Variants in TTC27 observed in about 807,000 individuals in gnomAD.
The protein encoded by TTC27 is tetratricopeptide repeat protein 27.
Under a neutral mutation model 115.9 loss-of-function variants are expected in TTC27, and 79 were observed. That is an observed-to-expected ratio of 0.68 (90% CI 0.57 to 0.82). TTC27 has a LOEUF of 0.82. Ranked by LOEUF, TTC27 falls within the 40% of genes least tolerant of loss-of-function variation. TTC27 has a pLI of 0.00. For missense variants in TTC27, 1,054 were observed against 993.1 expected, an observed-to-expected ratio of 1.06 and a Z score of -0.82; for synonymous variants, 401 against 356.0, an observed-to-expected ratio of 1.13 and a Z score of -1.42.
At chr2:32,760,496 C>G (rs917491386) in intron 13 of TTC27, among the ~76,000 whole-genome samples, 1 of 152,056 alleles carries the variant, frequency 6.6e-6, no homozygotes, top group East Asian at 1.9e-4. Flanking sequence ...GCACAGCCCC[C>G]ACAATAAAGA....
intron 9 of TTC27, among the ~76,000 whole-genome samples, chr2:32,685,015 C>CTTTTTTTTT (rs70938361): frequency 3.4e-5 from 4 of 116,310 alleles, no homozygotes; most frequent in Admixed American, 1.0e-4. Flanking sequence ...TTGCCTTTTC[C>CTTTTTTTTT]TTTTTTTTTT....
At chr2:32,702,209 G>A (rs570606611) in intron 9 of TTC27, among the ~76,000 whole-genome samples, 3 of 152,008 alleles carry the variant, frequency 2.0e-5, no homozygotes, top group Non-Finnish European at 4.4e-5. Flanking sequence ...ACCAAGGGTG[G>A]CATCAACTTT....
chr2:32,702,512 G>T (rs1219223276), intron 9 of TTC27, among the ~76,000 whole-genome samples: 1 of 152,050 alleles, frequency 6.6e-6, no homozygotes, highest in Non-Finnish European at 1.5e-5. Context: ...TTCAGTGTGT[G>T]CATATTCAGT....
Position 32,754,747 on chromosome 2 carries a change from G to A in TTC27, c.1453-3545G>A, listed in dbSNP as rs547149165. ...CGGGCAGAGGCGTCTCTCACCTCCC[G>A]GACGGGGTGGCTGGCCGGGCGGGGG... On this transcript the variant is annotated intron_variant, in intron 12 of 19. Coordinates refer to ENST00000317907, the MANE Select transcript of TTC27 (RefSeq NM_017735.5). 1.8e-3 allele frequency among the ~76,000 whole-genome samples: 259 copies of A among 147,186 alleles called. 1 individual carries two copies. Among genetic ancestry groups the A allele is most frequent in the Non-Finnish European group, 3.2e-3 (214 of 66,682 alleles).
At chr2:32,767,296 G>T (rs1207299637) in intron 13 of TTC27, among the ~76,000 whole-genome samples, 2 of 152,074 alleles carry the variant, frequency 1.3e-5, no homozygotes, top group African/African-American at 4.8e-5. Context: ...ATAGAGGCCT[G>T]TAATTTAGCA....
intron 12 of TTC27, among the ~76,000 whole-genome samples, chr2:32,748,735 T>C (rs541142308): frequency 1.3e-5 from 2 of 151,184 alleles, no homozygotes; most frequent in South Asian, 4.2e-4. Context: ...TTGCCCAGGC[T>C]GGAGTGCAGT....
intron 4 of TTC27, among the ~76,000 whole-genome samples, chr2:32,641,511 A>G (rs530200331): frequency 1.2e-3 from 179 of 152,354 alleles, no homozygotes; most frequent in African/African-American, 4.1e-3. Flanking sequence ...ACTATACGGA[A>G]ACCAGTAGTG....
intron 12 of TTC27, among the ~76,000 whole-genome samples, chr2:32,757,577 T>G (rs185833092): frequency 1.0e-3 from 156 of 152,356 alleles, no homozygotes; most frequent in African/African-American, 3.0e-3. Flanking sequence ...TCCAACCACA[T>G]GTGCTTACTT....
At chr2:32,655,647 T>C (rs1391345265) in intron 5 of TTC27, among the ~76,000 whole-genome samples, 1 of 152,180 alleles carries the variant, frequency 6.6e-6, no homozygotes, top group African/African-American at 2.4e-5. Flanking sequence ...TCTAAAAAAT[T>C]ATCCCCTTTT....
chr2:32,745,611 C>T (rs1668797947), intron 12 of TTC27, among the ~76,000 whole-genome samples: 1 of 151,540 alleles, frequency 6.6e-6, no homozygotes, highest in Non-Finnish European at 1.5e-5. Flanking sequence ...TGCAAACTGG[C>T]AGCTTATGGG....
At chr2:32,751,475 T>C (rs921096559) in intron 12 of TTC27, among the ~76,000 whole-genome samples, 3 of 152,064 alleles carry the variant, frequency 2.0e-5, no homozygotes, top group African/African-American at 7.2e-5. Flanking sequence ...GGTTGCTCAA[T>C]ATATCTAATT....
chr2:32,820,795 G>T, intron 19 of TTC27, 21 bp from the exon 20 acceptor site: 1 of 1,514,744 alleles, frequency 6.6e-7, no homozygotes, highest in Non-Finnish European at 8.9e-7. Flanking sequence ...TAATACTTCT[G>T]CTTTGTTTTT....
intron 4 of TTC27, among the ~76,000 whole-genome samples, chr2:32,644,609 A>T (rs779533402): frequency 6.6e-6 from 1 of 151,352 alleles, no homozygotes; most frequent in Non-Finnish European, 1.5e-5. Flanking sequence ...TTTTTTTGAG[A>T]TGGGAGACAG....
chr2:32,677,488 C>T (rs1190189230), intron 8 of TTC27, among the ~76,000 whole-genome samples: 1 of 151,934 alleles, frequency 6.6e-6, no homozygotes, highest in East Asian at 1.9e-4. Context: ...CTTGCTCTGT[C>T]ACTCAGGCTG....
At chr2:32,745,772 G>T (rs1347248192) in intron 12 of TTC27, among the ~76,000 whole-genome samples, 2 of 152,130 alleles carry the variant, frequency 1.3e-5, no homozygotes, top group Admixed American at 6.5e-5. Flanking sequence ...GAAACACTGA[G>T]CAGCCAGAGT....
At chr2:32,653,574 A>T (rs1356732541) in intron 5 of TTC27, among the ~76,000 whole-genome samples, 1 of 150,494 alleles carries the variant, frequency 6.6e-6, no homozygotes, top group Non-Finnish European at 1.5e-5. Context: ...AGCCTGGATG[A>T]CAGAGTGAGA....
intron 16 of TTC27, among the ~76,000 whole-genome samples, chr2:32,789,393 C>A (rs531205759): frequency 2.0e-5 from 3 of 152,176 alleles, no homozygotes; most frequent in African/African-American, 7.2e-5. Context: ...AACATTCTTG[C>A]TAATGTTTAG....
chr2:32,672,289 T>A lies in TTC27; in HGVS notation c.957T>A (p.Asp319Glu), dbSNP rs1329576866. 1 of 1,613,492 alleles carries A rather than the reference T, an allele frequency of 6.2e-7. No individual in the cohort carries two copies. ...EHLTKNLELN[D>E]DTILNDIKLA... is the part of the protein sequence containing the mutation. ...TCTACTAGAATCTTGAGCTCAATGA[T>A]GACACCATTCTGAATGACATAAAGT... Residue 319 changes from aspartate to glutamate, a missense_variant, in exon 8 of 20, where the codon GAT becomes GAA. Asp to Glu is a conservative substitution (Grantham distance 45). Coordinates refer to ENST00000317907, the MANE Select transcript of TTC27 (RefSeq NM_017735.5).
chr2:32,636,999 T>C (rs906730129), intron 3 of TTC27, among the ~76,000 whole-genome samples: 3 of 152,190 alleles, frequency 2.0e-5, no homozygotes, highest in African/African-American at 7.2e-5. Flanking sequence ...ATGGAGGTCA[T>C]TTGGAGTTGT....
Sources: gnomAD v4.1 joint callset for allele counts (sites outside exome capture counted in the v4.1 genomes callset) on GRCh38, gnomAD v4.1.1 for gene constraint, MANE v1.5 for transcripts, NCBI Gene and HGNC (gene_info 2026-07-23, HGNC 2026-07-21) for gene names.